Variants in MBD5 observed in about 807,000 individuals in gnomAD.
MBD5 encodes the protein methyl-CpG binding domain protein 5, also known as methyl-CpG-binding domain protein 5.
Under a neutral mutation model 117.3 loss-of-function variants are expected in MBD5, and 13 were observed. The observed-to-expected ratio is 0.11, with a 90% CI of 0.07 to 0.18. The LOEUF is 0.18. Among genes scored for constraint, MBD5 ranks in the 10% least tolerant of loss-of-function variants. The probability of loss-of-function intolerance (pLI) is 1.00; values close to 1 mark genes in which losing one functional copy is unlikely to be tolerated. For missense variants in MBD5, 1,879 were observed against 2,093.8 expected, an observed-to-expected ratio of 0.90 and a Z score of 2.00; for synonymous variants, 727 against 766.4, an observed-to-expected ratio of 0.95 and a Z score of 0.85.
At chr2:148,418,453 C>T (rs902285542) in intron 4 of MBD5, among the ~76,000 whole-genome samples, 1 of 152,110 alleles carries the variant, frequency 6.6e-6, no homozygotes, top group Non-Finnish European at 1.5e-5. Context: ...ATGATGTGAT[C>T]TGATCTGATA....
At chr2:148,174,011 G>A (rs1698324344) in intron 1 of MBD5, among the ~76,000 whole-genome samples, 4 of 152,090 alleles carry the variant, frequency 2.6e-5, no homozygotes, top group Admixed American at 2.6e-4. Flanking sequence ...AATCAAAGCT[G>A]GAGGCATCAC....
At chr2:148,255,397 G>A (rs1159836152) in intron 3 of MBD5, among the ~76,000 whole-genome samples, 1 of 152,178 alleles carries the variant, frequency 6.6e-6, no homozygotes, top group East Asian at 1.9e-4. Context: ...TCCCCTATGA[G>A]CAGTCAACCA....
chr2:148,109,408 G>A (rs1558929414), intron 1 of MBD5, among the ~76,000 whole-genome samples: 1 of 152,036 alleles, frequency 6.6e-6, no homozygotes, highest in Non-Finnish European at 1.5e-5. Context: ...TTAGAATTTT[G>A]GAAACATAAT....
intron 1 of MBD5, among the ~76,000 whole-genome samples, chr2:148,088,328 T>C (rs572068689): frequency 5.9e-5 from 9 of 152,252 alleles, no homozygotes; most frequent in African/African-American, 2.2e-4. Context: ...TCACTAGAGA[T>C]CTAGACATCC....
rs1389799320 is a variant in MBD5 at position 148,427,467 on chromosome 2, T to G, written c.-556-30736T>G. 3.3e-5 allele frequency among the ~76,000 whole-genome samples: 5 copies of G among 152,086 alleles called. No homozygotes were observed. The East Asian group carries it at 9.6e-4, about 29-fold the overall frequency. ...TGGAATACTATGCAGCCATAAAAAA[T>G]GATGAGTTCATGTCCTTTGTAGGGA... On this transcript the variant is annotated intron_variant, in intron 4 of 13. Coordinates refer to ENST00000642680, the MANE Select transcript of MBD5 (RefSeq NM_001378120.1).
At chr2:148,429,852 G>C (rs558762706) in intron 4 of MBD5, among the ~76,000 whole-genome samples, 22 of 152,160 alleles carry the variant, frequency 1.4e-4, no homozygotes, top group Middle Eastern at 6.8e-3. Flanking sequence ...GTCATGGGGT[G>C]GGGGGCTGGC....
chr2:148,033,444 TTTAAC>T (rs1447068469), intron 1 of MBD5, among the ~76,000 whole-genome samples: 1 of 152,210 alleles, frequency 6.6e-6, no homozygotes, highest in Non-Finnish European at 1.5e-5. Flanking sequence ...TTATTTTTCT[TTTAAC>T]TTATTGTCAA....
intron 3 of MBD5, among the ~76,000 whole-genome samples, chr2:148,323,295 G>A (rs1268090643): frequency 2.0e-5 from 3 of 152,062 alleles, no homozygotes; most frequent in Non-Finnish European, 4.4e-5. Flanking sequence ...GAATAATGCT[G>A]CAATAAACAT....
Position 148,469,404 on chromosome 2 carries a change from G to T in MBD5, c.1461G>T (p.Lys487Asn), listed in dbSNP as rs1680712194. ...VGPQATSSGI[K>N]VPPRSPRSTI... ...CCCAGGCCACTTCTAGTGGTATTAA[G>T]GTTCCACCCAGGTCACCAAGGTCAA... Residue 487 changes from lysine (K) to asparagine (N), a missense_variant, in exon 8 of 14, where the codon AAG becomes AAT. By Grantham distance (94) the Lys-to-Asn change is moderately conservative (BLOSUM62 0). This residue lies in a region of MBD5 where 1,666 missense variants were observed against 1,792.2 expected (regional missense o/e 0.93). Transcript: ENST00000642680. The T allele has an allele frequency of 6.2e-7, 1 of 1,613,694 alleles. No individual in the cohort carries two copies. Among genetic ancestry groups the T allele is most frequent in the Non-Finnish European group, 8.5e-7 (1 of 1,179,948 alleles).
chr2:148,157,312 A>AGT (rs1197263290), intron 1 of MBD5, among the ~76,000 whole-genome samples: 1 of 82,596 alleles, frequency 1.2e-5, no homozygotes, highest in Non-Finnish European at 2.3e-5. Context: ...AACAGGCCCC[A>AGT]GTGTGTGATG....
chr2:148,206,966 A>G (rs943631648), intron 2 of MBD5, among the ~76,000 whole-genome samples: 4 of 152,202 alleles, frequency 2.6e-5, no homozygotes, highest in African/African-American at 9.7e-5. Flanking sequence ...TGTTTGCAAA[A>G]CCAAATTACA....
chr2:148,303,040 T>C (rs1243019695), intron 3 of MBD5, among the ~76,000 whole-genome samples: 2 of 151,422 alleles, frequency 1.3e-5, no homozygotes, highest in Non-Finnish European at 2.9e-5. Context: ...ATGTTATTTA[T>C]ATTTTTAGTT....
intron 4 of MBD5, among the ~76,000 whole-genome samples, chr2:148,353,224 A>G (rs535159326): frequency 1.3e-5 from 2 of 152,306 alleles, no homozygotes; most frequent in African/African-American, 4.8e-5. Context: ...TTAAATTTTT[A>G]TAGAGGTTGT....
chr2:148,168,196 C>T (rs1698173030), intron 1 of MBD5, among the ~76,000 whole-genome samples: 1 of 152,154 alleles, frequency 6.6e-6, no homozygotes, highest in Admixed American at 6.5e-5. Flanking sequence ...TACCATGATT[C>T]AGAAGGAATT....
intron 4 of MBD5, chr2:148,346,814 A>G (rs555656811): frequency 2.0e-5 from 3 of 151,748 alleles, no homozygotes; most frequent in East Asian, 1.9e-4. Context: ...TATCATTTTT[A>G]TGAGCTTAAA....
intron 4 of MBD5, among the ~76,000 whole-genome samples, chr2:148,421,142 T>C (rs1705591759): frequency 6.6e-6 from 1 of 152,196 alleles, no homozygotes; most frequent in South Asian, 2.1e-4. Flanking sequence ...TCAAGATGGC[T>C]GAACAGGAAC....
intron 4 of MBD5, among the ~76,000 whole-genome samples, chr2:148,443,127 A>T (rs1706378659): frequency 6.6e-6 from 1 of 151,478 alleles, no homozygotes; most frequent in South Asian, 2.1e-4. Flanking sequence ...ATAAGTGGCA[A>T]ACAGGCATAT....
intron 4 of MBD5, among the ~76,000 whole-genome samples, chr2:148,344,138 A>G (rs1433455017): frequency 1.3e-5 from 2 of 151,812 alleles, no homozygotes; most frequent in Non-Finnish European, 2.9e-5. Flanking sequence ...GTGTGACTTT[A>G]TTTCTGGGTT....
intron 4 of MBD5, among the ~76,000 whole-genome samples, chr2:148,423,624 A>G (rs1408272217): frequency 6.6e-6 from 1 of 152,208 alleles, no homozygotes; most frequent in Non-Finnish European, 1.5e-5. Flanking sequence ...CATCGACACT[A>G]TGAAGAAACT....
Sources: allele counts gnomAD v4.1 joint callset (sites outside exome capture counted in the v4.1 genomes callset), GRCh38; gene constraint gnomAD v4.1.1; regional missense constraint gnomAD v4.1.1; transcripts MANE v1.5; gene names NCBI Gene and HGNC (gene_info 2026-07-23, HGNC 2026-07-21).